Variants in ZNF584 observed in about 807,000 individuals in gnomAD.
ZNF584 encodes zinc finger protein 584.
Under a neutral mutation model 14.7 loss-of-function variants are expected in ZNF584, and 12 were observed. The observed-to-expected ratio is 0.82, with a 90% CI of 0.52 to 1.32. The LOEUF is 1.32. Ranked by LOEUF, ZNF584 falls within the 40% of genes most tolerant of loss-of-function variation. The pLI is 0.00. For missense variants in ZNF584, 478 were observed against 518.8 expected (o/e 0.92, Z 0.76); for synonymous variants, 204 against 190.9 (o/e 1.07, Z -0.57).
chr19:58,410,546 T>TTTTTTTTTTTTTTTTTTTTTTGAGACAG (rs1568584382), intron 2 of ZNF584, among the ~76,000 whole-genome samples: 1 of 62,540 alleles, frequency 1.6e-5, no homozygotes, highest in Non-Finnish European at 2.7e-5. Context: ...TATATATATA[T>TTTTTTTTTTTTTTTTTTTTTTGAGACAG]ATATATATAT....
At chr19:58,407,188 A>C (rs577009622), upstream of ZNF584, 1 of 152,394 alleles carries the variant, frequency 6.6e-6, no homozygotes, top group South Asian at 2.1e-4. Context: ...CATATGGTCC[A>C]CCTGCTGGTG....
chr19:58,411,465 G>A (rs1599949631), intron 2 of ZNF584, among the ~76,000 whole-genome samples: 1 of 150,984 alleles, frequency 6.6e-6, no homozygotes. Context: ...GGTGGAGGTT[G>A]CAGTGAGCTG....
Position 58,417,611 on chromosome 19 carries a change from A to G in ZNF584, c.1093A>G (p.Thr365Ala). The change falls in exon 4 of 4, where the codon ACC becomes GCC. Residue 365 changes from threonine to alanine, a missense_variant. By Grantham distance (58) the Thr-to-Ala change is moderately conservative. Coordinates refer to ENST00000306910, the MANE Select transcript of ZNF584 (RefSeq NM_173548.3). ...TAGCCTGTGTGGGAAAACCTTCACT[A>G]CCAGATCCTACCGCAATCGGCACCA... is the stretch of plus-strand genomic sequence containing the variant. ...ECSLCGKTFT[T>A]RSYRNRHQQF... The G allele has an allele frequency of 1.9e-6, 3 of 1,614,188 alleles. No homozygotes were observed. The highest frequency in any genetic ancestry group is 2.5e-6 in the Non-Finnish European group (3 of 1,180,042).
chr19:58,415,041 C>T (rs146210662), intron 2 of ZNF584, among the ~76,000 whole-genome samples: 11 of 147,778 alleles, frequency 7.4e-5, no homozygotes, highest in Admixed American at 2.7e-4. Context: ...TACAGGTGCC[C>T]GTCACCACAT....
chr19:58,417,467 CAG>C lies in ZNF584; in HGVS notation c.954_955del (p.Arg318SerfsTer9). The C allele has an allele frequency of 1.2e-6, 2 of 1,614,090 alleles. No homozygotes were observed. The highest frequency in any genetic ancestry group is 8.5e-7 in the Non-Finnish European group (1 of 1,179,986). On this transcript the variant is annotated frameshift_variant, in exon 4 of 4. Transcript: ENST00000306910. LOFTEE classifies it low-confidence loss of function (END_TRUNC). ...ATACAATAATAGCTTCATTCTTCAC[CAG>C]AGAGTTCACACTGGAGAAAGGCCTT... Reference protein sequence around the residue: ...FKYNNSFILHQRVHTGERPFE... With the variant: ...FKYNNSFILHXRVHTGERPFE...
Position 58,417,985 on chromosome 19 carries a change from A to G in ZNF584, c.*201A>G, listed in dbSNP as rs1461218230. 1.6e-6 allele frequency: 1 copy of G among 629,376 alleles called. No individual in the cohort carries two copies. The highest frequency in any genetic ancestry group is 2.7e-6 in the Non-Finnish European group (1 of 370,258). 39.0% of individuals were successfully genotyped at this position (629,376 alleles called of 1,614,324 possible). On this transcript the variant is annotated 3_prime_UTR_variant, in exon 4 of 4. Coordinates refer to ENST00000306910, the MANE Select transcript of ZNF584 (RefSeq NM_173548.3). ...CTGGGGCTGTTGGCAGTGTCACATC[A>G]CTGAGTTTATCCACCGCCATCCACC...
chr19:58,406,360 GGGA>G, upstream of ZNF584: 4 of 106,516 alleles, frequency 3.8e-5, no homozygotes, highest in Non-Finnish European at 6.3e-5. Flanking sequence ...GGGGGGGAGG[GGGA>G]GGGGGAGGAG....
rs1337055319 is a variant in ZNF584, at chr19:58,416,735, G to A, written c.293-76G>A. 5 of 1,497,976 alleles carry A rather than the reference G, an allele frequency of 3.3e-6. No individual in the cohort carries two copies. In the African/African-American group the frequency reaches 4.2e-5, roughly 13 times the overall value. 92.8% of individuals were successfully genotyped at this position (1,497,976 alleles called of 1,614,324 possible). A position where few individuals can be genotyped will look rare whatever the true frequency, so the allele number is the denominator to read the frequency against. The stretch of plus-strand genomic sequence containing the variant: ...AGTTCTATGGAGTCCTTCTGGGTGT[G>A]TCTGACATGCACTGGTGATTAAGGT... On this transcript the variant is annotated intron_variant, in intron 3 of 3. Coordinates refer to ENST00000306910, the MANE Select transcript of ZNF584 (RefSeq NM_173548.3).
At position 58,410,085 on chromosome 19, in the gene ZNF584, T is replaced by C. The variant is rs1471586817; in HGVS notation, c.163T>C (p.Ser55Pro). The change falls in exon 2 of 4, where the codon TCA becomes CCA. Residue 55 changes from serine (S) to proline (P), a missense_variant. By Grantham distance (74) the Ser-to-Pro change is moderately conservative (BLOSUM62 -1). This residue lies in a region of ZNF584 where 189 missense variants were observed against 177.9 expected (regional missense o/e 1.06). Transcript: ENST00000306910. ...VMLENFALVSSLGLAPSRSPV... is the reference protein window; with the variant it reads ...VMLENFALVSPLGLAPSRSPV... ...GCTGGAGAACTTTGCACTCGTTAGC[T>C]CACTGGGTAAGTCTCTTACACTGTC... 6 of 1,609,650 alleles carry C rather than the reference T, an allele frequency of 3.7e-6. No homozygotes were observed. Among genetic ancestry groups the C allele is most frequent in the Non-Finnish European group, 5.1e-6 (6 of 1,177,896 alleles).
chr19:58,417,718 C>T lies in ZNF584; in HGVS notation c.1200C>T (p.His400=), dbSNP rs913011472. The change falls in exon 4 of 4, where the codon CAC becomes CAT. Residue 400 remains histidine (H), a synonymous_variant. Transcript: ENST00000306910. ...AFKHSSTLLQ[H]KKVHTPERRQ... ...AACATAGTTCCACCCTCCTTCAGCA[C>T]AAGAAAGTCCATACTCCAGAAAGGC... 3.7e-5 allele frequency: 60 copies of T among 1,614,002 alleles called. No homozygotes were observed. Among genetic ancestry groups the T allele is most frequent in the Non-Finnish European group, 5.0e-5 (59 of 1,179,994 alleles).
chr19:58,415,723 C>T, intron 3 of ZNF584, 77 bp downstream of exon 3: 2 of 1,608,740 alleles, frequency 1.2e-6, no homozygotes, highest in East Asian at 2.2e-5. Context: ...ACACCGATAC[C>T]TTGGTGTTGA....
chr19:58,417,608 A>G lies in ZNF584; in HGVS notation c.1090A>G (p.Thr364Ala), dbSNP rs375779818. Residue 364 changes from threonine (T) to alanine (A), a missense_variant, in exon 4 of 4, where the codon ACT (threonine) becomes GCT (alanine). By Grantham distance (58) the Thr-to-Ala change is moderately conservative. This residue lies in a region of ZNF584 where 283 missense variants were observed against 317.3 expected (regional missense o/e 0.89). Transcript: ENST00000306910. The part of the protein sequence containing the change: ...YECSLCGKTF[T>A]TRSYRNRHQQ... ...ATGTAGCCTGTGTGGGAAAACCTTC[A>G]CTACCAGATCCTACCGCAATCGGCA... 3 of 1,614,182 alleles carry G rather than the reference A, an allele frequency of 1.9e-6. No individual in the cohort carries two copies. The highest frequency in any genetic ancestry group is 2.7e-5 in the African/African-American group (2 of 75,044).
intron 1 of ZNF584, 24 bp from the exon 2 acceptor site, chr19:58,409,917 T>C: frequency 6.2e-7 from 1 of 1,614,100 alleles, no homozygotes; most frequent in Middle Eastern, 1.6e-4. Context: ...TGGTTGTTTT[T>C]TTCTGCCCAT....
chr19:58,407,748 G>A (rs913693640), upstream of ZNF584, among the ~76,000 whole-genome samples: 33 of 152,182 alleles, frequency 2.2e-4, no homozygotes, highest in African/African-American at 8.0e-4. Context: ...GAGGACGCAG[G>A]CCCACCTGCT....
At chr19:58,411,697 G>T (rs1205051981) in intron 2 of ZNF584, among the ~76,000 whole-genome samples, 5 of 149,218 alleles carry the variant, frequency 3.4e-5, no homozygotes, top group South Asian at 2.2e-4. Context: ...AGGCTGGAGT[G>T]CAGTGGCGCG....
chr19:58,416,081 C>T (rs2052638875), intron 3 of ZNF584: 2 of 982,982 alleles, frequency 2.0e-6, no homozygotes, highest in East Asian at 2.6e-5. Flanking sequence ...AAACCCTTTG[C>T]AGAGGAGTGA....
In ZNF584 at chr19:58,415,823, C is replaced by T. The variant is rs746327994; in HGVS notation, c.292+177C>T. 34 of 1,603,124 alleles carry T rather than the reference C, an allele frequency of 2.1e-5. No individual in the cohort carries two copies. The East Asian group carries it at 4.2e-4, about 20-fold the overall frequency. ...CATCTCTACCATGATTTTCAGGCCC[C>T]GCATGTTCCTGCCTCTCTGGCCTGC... On this transcript the variant is annotated intron_variant, in intron 3 of 3. Transcript: ENST00000306910.
upstream of ZNF584, chr19:58,406,160 A>C (rs2052470739): frequency 6.3e-6 from 1 of 159,114 alleles, no homozygotes; most frequent in Non-Finnish European, 1.4e-5. Flanking sequence ...CCCGGCCAAC[A>C]CAGCGAAACC....
intron 2 of ZNF584, among the ~76,000 whole-genome samples, chr19:58,415,303 C>T (rs1369249815): frequency 6.6e-6 from 1 of 152,190 alleles, no homozygotes; most frequent in Non-Finnish European, 1.5e-5. Flanking sequence ...GATCCTCTCA[C>T]TATGGCCTCC....
Sources: gnomAD v4.1 joint callset for allele counts (sites outside exome capture counted in the v4.1 genomes callset) on GRCh38, gnomAD v4.1.1 for gene constraint, gnomAD v4.1.1 regional missense constraint, MANE v1.5 for transcripts, NCBI Gene and HGNC (gene_info 2026-07-23, HGNC 2026-07-21) for gene names.